The following RBFOX3 variants were observed in gnomAD, a reference collection of about 807,000 sequenced individuals.
RBFOX3 encodes RNA binding protein fox-1 homolog 3.
RBFOX3 carries 17 observed loss-of-function variants against 48.7 expected under a neutral mutation model. That is an observed-to-expected ratio of 0.35 (90% CI 0.24 to 0.52). The LOEUF is 0.52. Ranked by LOEUF, RBFOX3 falls within the 20% of genes least tolerant of loss-of-function variation. The pLI is 0.94. For synonymous variants in RBFOX3, 212 were observed against 209.5 expected, an observed-to-expected ratio of 1.01 and a Z score of -0.10; for missense variants, 382 against 497.5, an observed-to-expected ratio of 0.77 and a Z score of 2.21.
intron 3 of RBFOX3, among the ~76,000 whole-genome samples, chr17:79,276,887 T>C (rs1600367986): frequency 6.6e-6 from 1 of 151,328 alleles, no homozygotes; most frequent in Admixed American, 6.6e-5. Context: ...GCAGGGAGAG[T>C]TTACTTGCCT....
At chr17:79,543,110 G>A (rs142270072) in intron 1 of RBFOX3, among the ~76,000 whole-genome samples, 42 of 152,072 alleles carry the variant, frequency 2.8e-4, no homozygotes, top group Admixed American at 2.0e-3. Flanking sequence ...CATGTAACCC[G>A]GCATACGGCA....
At chr17:79,405,529 T>C (rs2063432485) in intron 2 of RBFOX3, among the ~76,000 whole-genome samples, 1 of 152,262 alleles carries the variant, frequency 6.6e-6, no homozygotes, top group African/African-American at 2.4e-5. Flanking sequence ...AAGACCAGCC[T>C]GGGCAACATG....
chr17:79,559,816 T>C (rs1223840125), intron 1 of RBFOX3, among the ~76,000 whole-genome samples: 1 of 126,282 alleles, frequency 7.9e-6, no homozygotes, highest in African/African-American at 3.1e-5. Flanking sequence ...AACAGATGGG[T>C]GGGTGGATGT....
intron 1 of RBFOX3, among the ~76,000 whole-genome samples, chr17:79,496,936 G>A (rs1440760080): frequency 6.6e-6 from 1 of 152,182 alleles, no homozygotes; most frequent in African/African-American, 2.4e-5. Flanking sequence ...GTGTGGAGCC[G>A]ATGACCTTTC....
rs926055673 is a variant in RBFOX3, at chr17:79,249,053, G to C, written c.-73-13248C>G. Among the ~76,000 whole-genome samples the C allele has an allele frequency of 5.3e-5, 8 of 152,178 alleles. No individual in the cohort carries two copies. The highest frequency in any genetic ancestry group is 1.9e-4 in the African/African-American group (8 of 41,444). On this transcript the variant is annotated intron_variant, in intron 3 of 14. Transcript: ENST00000693108. The surrounding 1 kb of genome is among the most constrained non-coding windows in gnomAD (Gnocchi z 4.1). Reference sequence around the variant, plus strand: ...CTTCCGCCAGCGGGGCCAGAACCCAGAGCGAGGCTGCCTCCCCTGGGTCGG... The same window carrying C: ...CTTCCGCCAGCGGGGCCAGAACCCACAGCGAGGCTGCCTCCCCTGGGTCGG...
At chr17:79,549,160 T>G (rs2090871060) in intron 1 of RBFOX3, among the ~76,000 whole-genome samples, 1 of 152,222 alleles carries the variant, frequency 6.6e-6, no homozygotes, top group Non-Finnish European at 1.5e-5. Flanking sequence ...GGGAAAGCCT[T>G]GCCAGCAAGT....
intron 4 of RBFOX3, among the ~76,000 whole-genome samples, chr17:79,148,628 A>G (rs1338939096): frequency 6.6e-6 from 1 of 152,228 alleles, no homozygotes; most frequent in African/African-American, 2.4e-5. Flanking sequence ...GGGCCACCTT[A>G]CAGGTTGTTG....
intron 3 of RBFOX3, among the ~76,000 whole-genome samples, chr17:79,288,066 C>T (rs78029322): frequency 0.03 from 4,620 of 152,212 alleles, 115 homozygotes; most frequent in East Asian, 0.068. Flanking sequence ...CCAGAACCCT[C>T]CAGATTCCAC....
chr17:79,629,606 G>A, the RBFOX3 span, among the ~76,000 whole-genome samples: 1 of 152,146 alleles, frequency 6.6e-6, no homozygotes, highest in Non-Finnish European at 1.5e-5. Context: ...CTTTCCAAAT[G>A]TGTTTAACCT....
At chr17:79,620,463 A>G in the RBFOX3 span, among the ~76,000 whole-genome samples, 8 of 146,626 alleles carry the variant, frequency 5.5e-5, no homozygotes, top group South Asian at 2.2e-4. Context: ...GCGCACACAC[A>G]TGCACACGTG....
chr17:79,623,583 C>T, the RBFOX3 span, among the ~76,000 whole-genome samples: 5 of 152,126 alleles, frequency 3.3e-5, no homozygotes, highest in African/African-American at 1.2e-4. Context: ...GAGGCCAAGG[C>T]GGGGTGGATT....
rs1200207108 is a variant in RBFOX3 at position 79,361,912 on chromosome 17, G to A, written c.-174-54088C>T. ...TGTTCATTAAAACTTCAATAAAAAT[G>A]TTATAAAAATGTCTTATTTTGGTAG... is the stretch of plus-strand genomic sequence containing the variant. On this transcript the variant is annotated intron_variant, in intron 2 of 14. Coordinates refer to ENST00000693108, the MANE Select transcript of RBFOX3 (RefSeq NM_001350451.2). This position sits in a 1 kb window ranked among gnomAD's most constrained non-coding sequence, Gnocchi z 4.5. Among the ~76,000 whole-genome samples the A allele has an allele frequency of 6.6e-6, 1 of 152,192 alleles. No individual in the cohort carries two copies. The highest frequency in any genetic ancestry group is 1.5e-5 in the Non-Finnish European group (1 of 68,026).
chr17:79,554,734 T>C lies in RBFOX3; in HGVS notation c.-320+56092A>G, dbSNP rs1038172667. 4.5e-3 allele frequency among the ~76,000 whole-genome samples: 692 copies of C among 152,384 alleles called. 2 individuals are homozygous for C. Among genetic ancestry groups the C allele is most frequent in the African/African-American group, 0.015 (641 of 41,596 alleles). ...TACAGGGTGGATAGTAATTTTGATGTAATATACAATCATTATAACTCTAAA... is the reference window on the plus strand; with the variant it reads ...TACAGGGTGGATAGTAATTTTGATGCAATATACAATCATTATAACTCTAAA... On this transcript the variant is annotated intron_variant, in intron 1 of 14. Coordinates refer to ENST00000693108, the MANE Select transcript of RBFOX3 (RefSeq NM_001350451.2).
chr17:79,541,504 G>A (rs1283194036), intron 1 of RBFOX3, among the ~76,000 whole-genome samples: 2 of 152,192 alleles, frequency 1.3e-5, no homozygotes, highest in African/African-American at 2.4e-5. Context: ...CAGCGGGTCC[G>A]CCTGTCCCTC....
At chr17:79,328,086 G>C (rs991531366) in intron 2 of RBFOX3, among the ~76,000 whole-genome samples, 3 of 152,240 alleles carry the variant, frequency 2.0e-5, no homozygotes, top group African/African-American at 7.2e-5. Context: ...GGTCACACCT[G>C]CTGAGCAGTG....
chr17:79,304,365 T>C (rs962728043), intron 3 of RBFOX3, among the ~76,000 whole-genome samples: 1 of 150,864 alleles, frequency 6.6e-6, no homozygotes, highest in African/African-American at 2.4e-5. Context: ...CGTAAATATA[T>C]AGGTATATAT....
chr17:79,315,671 A>T (rs1257245500), intron 2 of RBFOX3, among the ~76,000 whole-genome samples: 1 of 152,178 alleles, frequency 6.6e-6, no homozygotes, highest in Non-Finnish European at 1.5e-5. Flanking sequence ...AAGGAAAGGG[A>T]CCCCTCTGTG....
At chr17:79,539,874 T>C (rs1435896697) in intron 1 of RBFOX3, among the ~76,000 whole-genome samples, 3 of 152,240 alleles carry the variant, frequency 2.0e-5, no homozygotes, top group Non-Finnish European at 4.4e-5. Flanking sequence ...GAATCTCAGA[T>C]GAACACGGTT....
chr17:79,624,294 T>C, the RBFOX3 span, among the ~76,000 whole-genome samples: 1 of 151,538 alleles, frequency 6.6e-6, no homozygotes, highest in African/African-American at 2.4e-5. Flanking sequence ...GGGTCTGCCA[T>C]GGACACACCT....
Sources: allele counts gnomAD v4.1 joint callset (sites outside exome capture counted in the v4.1 genomes callset), GRCh38; gene constraint gnomAD v4.1.1; non-coding constraint Gnocchi (gnomAD v3.1); transcripts MANE v1.5; gene names NCBI Gene and HGNC (gene_info 2026-07-23, HGNC 2026-07-21).